GALNT13: variants seen among roughly 807,000 people sequenced by gnomAD.
GALNT13 encodes the protein polypeptide N-acetylgalactosaminyltransferase 13, also known as UDP-GalNAc:polypeptide N-acetylgalactosaminyltransferase 13.
A neutral mutation model predicts 64.2 loss-of-function variants in GALNT13; 28 were observed. The observed-to-expected ratio is 0.44, with a 90% CI of 0.32 to 0.60. The LOEUF (loss-of-function observed/expected upper bound fraction) is 0.60, where lower values mean the gene tolerates loss of function less well. Among genes scored for constraint, GALNT13 ranks in the 20% least tolerant of loss-of-function variants. GALNT13 has a pLI of 0.05. For missense variants in GALNT13, 577 were observed against 669.8 expected, an observed-to-expected ratio of 0.86 and a Z score of 1.53; for synonymous variants, 214 against 224.6, an observed-to-expected ratio of 0.95 and a Z score of 0.42.
chr2:153,267,904 A>G, the GALNT13 span, among the ~76,000 whole-genome samples: 1 of 152,178 alleles, frequency 6.6e-6, no homozygotes, highest in African/African-American at 2.4e-5. Context: ...TCTCACTAGA[A>G]CAGCATGTGG....
At chr2:153,370,513 A>C in the GALNT13 span, 1 of 152,316 alleles carries the variant, frequency 6.6e-6, no homozygotes, top group Non-Finnish European at 1.5e-5. Context: ...CATTTATTCC[A>C]AAATCTATCA....
At chr2:154,099,671 C>T (rs1459886048) in intron 3 of GALNT13, among the ~76,000 whole-genome samples, 79 of 152,014 alleles carry the variant, frequency 5.2e-4, no homozygotes, top group Admixed American at 5.1e-3. Context: ...GGCACGGAGG[C>T]TCATACCTGT....
At chr2:153,562,060 C>G in the GALNT13 span, among the ~76,000 whole-genome samples, 2,004 of 118,802 alleles carry the variant, frequency 0.017, 18 homozygotes, top group South Asian at 0.039. Flanking sequence ...CTCTCTCTCT[C>G]TGTGTGTGTG....
chr2:154,097,136 C>T (rs1396576126), intron 3 of GALNT13, among the ~76,000 whole-genome samples: 1 of 151,890 alleles, frequency 6.6e-6, no homozygotes, highest in Non-Finnish European at 1.5e-5. Context: ...ACAATTTTTC[C>T]TTTAAATTAA....
the GALNT13 span, among the ~76,000 whole-genome samples, chr2:153,788,750 G>A: frequency 7.2e-5 from 11 of 152,206 alleles, no homozygotes; most frequent in East Asian, 2.1e-3. Context: ...AAGGGATGGA[G>A]GGAAATCTGC....
At chr2:154,081,085 G>A (rs1701249297) in intron 3 of GALNT13, among the ~76,000 whole-genome samples, 1 of 151,066 alleles carries the variant, frequency 6.6e-6, no homozygotes, top group African/African-American at 2.4e-5. Flanking sequence ...TGTCCTTACT[G>A]CCTGAATTTT....
At chr2:154,353,173 T>A (rs895615334) in intron 9 of GALNT13, among the ~76,000 whole-genome samples, 16 of 152,216 alleles carry the variant, frequency 1.1e-4, no homozygotes, top group African/African-American at 3.9e-4. Context: ...GATATTAAAA[T>A]ATATACATCA....
the GALNT13 span, among the ~76,000 whole-genome samples, chr2:153,240,102 TG>T: frequency 6.6e-6 from 1 of 152,168 alleles, no homozygotes; most frequent in East Asian, 1.9e-4. Context: ...TCCAATTTGT[TG>T]GCATATAGTT....
the GALNT13 span, among the ~76,000 whole-genome samples, chr2:153,650,397 G>A: frequency 4.3e-5 from 6 of 140,996 alleles, no homozygotes; most frequent in African/African-American, 1.4e-4. Context: ...CAGCACACTG[G>A]TGGATCTTGA....
At chr2:154,215,626 A>G (rs10211548) in intron 4 of GALNT13, among the ~76,000 whole-genome samples, 21,538 of 152,070 alleles carry the variant, frequency 0.14, 1,543 homozygotes, top group South Asian at 0.18. Context: ...CCTTCTTCGT[A>G]TCCGGTAGCT....
chr2:154,048,683 T>C (rs1194276772), intron 3 of GALNT13, among the ~76,000 whole-genome samples: 3 of 152,180 alleles, frequency 2.0e-5, no homozygotes, highest in African/African-American at 7.2e-5. Context: ...TATGTTTTCA[T>C]GAAAACATCT....
intron 3 of GALNT13, among the ~76,000 whole-genome samples, chr2:154,113,471 G>T (rs944793576): frequency 6.6e-6 from 1 of 152,202 alleles, no homozygotes; most frequent in Non-Finnish European, 1.5e-5. Context: ...CCCACTGGGC[G>T]TTGTGCCTCT....
At chr2:154,070,914 CAAAAGAAAAAAA>C (rs1416255134) in intron 3 of GALNT13, among the ~76,000 whole-genome samples, 2 of 136,992 alleles carry the variant, frequency 1.5e-5, no homozygotes, top group South Asian at 2.3e-4. Flanking sequence ...GACTCTGTTT[CAAAAGAAAAAAA>C]AAAAGAAAAA....
At chr2:154,135,880 A>G (rs1682922642) in intron 3 of GALNT13, among the ~76,000 whole-genome samples, 1 of 152,224 alleles carries the variant, frequency 6.6e-6, no homozygotes, top group South Asian at 2.1e-4. Flanking sequence ...TTGATAAACT[A>G]GAGCCTTTGG....
At chr2:154,157,692 G>C (rs771394174) in intron 4 of GALNT13, among the ~76,000 whole-genome samples, 1 of 152,008 alleles carries the variant, frequency 6.6e-6, no homozygotes, top group African/African-American at 2.4e-5. Context: ...AGCCATCTCC[G>C]TACCACCATT....
chr2:153,116,205 G>A, the GALNT13 span, among the ~76,000 whole-genome samples: 1 of 152,212 alleles, frequency 6.6e-6, no homozygotes, highest in East Asian at 1.9e-4. Flanking sequence ...TATATTTAAA[G>A]CTTCAGCATC....
At chr2:154,001,371 G>A (rs978873644) in intron 3 of GALNT13, among the ~76,000 whole-genome samples, 5 of 151,418 alleles carry the variant, frequency 3.3e-5, no homozygotes, top group African/African-American at 1.2e-4. Flanking sequence ...TACTATCTTT[G>A]TGGTTAAATG....
chr2:154,376,556 C>A (rs1436719935), intron 9 of GALNT13, among the ~76,000 whole-genome samples: 32 of 152,096 alleles, frequency 2.1e-4, no homozygotes, highest in Non-Finnish European at 1.5e-5. Flanking sequence ...ATTTTAGTGT[C>A]TGAGTCTTAA....
chr2:154,041,299 C>T (rs367707202), intron 3 of GALNT13, among the ~76,000 whole-genome samples: 33 of 140,568 alleles, frequency 2.3e-4, no homozygotes, highest in African/African-American at 7.3e-4. Flanking sequence ...GCTTGTATTC[C>T]ACAATAACTG....
Sources: gnomAD v4.1 joint callset for allele counts (sites outside exome capture counted in the v4.1 genomes callset) on GRCh38, gnomAD v4.1.1 for gene constraint, MANE v1.5 for transcripts, NCBI Gene and HGNC (gene_info 2026-07-23, HGNC 2026-07-21) for gene names.